Variants in CDKL5 observed in about 807,000 individuals in gnomAD.
The protein encoded by CDKL5 is cyclin-dependent kinase-like 5.
Under a neutral mutation model 61.7 loss-of-function variants are expected in CDKL5, and 8 were observed. That is an observed-to-expected ratio of 0.13 (90% CI 0.08 to 0.23). CDKL5 has a LOEUF of 0.23. Ranked by LOEUF, CDKL5 falls within the 10% of genes least tolerant of loss-of-function variation. The pLI, the probability that CDKL5 is intolerant of heterozygous loss-of-function variation, is 1.00. For synonymous variants in CDKL5, 275 were observed against 272.3 expected (o/e 1.01, Z -0.10); for missense variants, 440 against 734.5 (o/e 0.60, Z 4.63).
At chrX:18,500,696 C>CT (rs1459422745) in intron 1 of CDKL5, among the ~76,000 whole-genome samples, 1 of 110,532 alleles carries the variant, frequency 9.0e-6, no homozygotes. Flanking sequence ...GTTTTTATGC[C>CT]TTAAAAAAAA....
chrX:18,443,697 T>A (rs1268184618), intron 1 of CDKL5: 2 of 110,955 alleles, frequency 1.8e-5, no homozygotes, highest in Non-Finnish European at 3.8e-5. Context: ...CAATAGTCAT[T>A]TTTTCTGCTC....
In CDKL5 at chrX:18,634,755, A is replaced by ATTTGGGGC; in HGVS notation, c.*5998_*5999insTTTGGGGC. The ATTTGGGGC allele has an allele frequency of 2.1e-5, 16 of 753,322 alleles. No homozygotes were observed. Among genetic ancestry groups the ATTTGGGGC allele is most frequent in the Non-Finnish European group, 2.3e-5 (15 of 639,000 alleles). The allele number at this position is 753,322 out of a possible 1,213,427, so 62.1% of individuals were successfully genotyped here. On this transcript the variant is annotated 3_prime_UTR_variant, in exon 18 of 18. Transcript: ENST00000623535. ...TTAACAGAAACAATTAAACCAAACA[A>ATTTGGGGC]AATCATTGCCCCAAATTTCTATCTC...
chrX:18,644,564 T>C (rs1286782618), downstream of CDKL5: 1 of 1,211,487 alleles, frequency 8.3e-7, no homozygotes. Context: ...ATCACTTTGA[T>C]CTCCTTCAGA....
chrX:18,539,802 A>G (rs1923959244), intron 3 of CDKL5, among the ~76,000 whole-genome samples: 1 of 111,468 alleles, frequency 9.0e-6, no homozygotes, highest in South Asian at 3.7e-4. Context: ...TTAGTATATC[A>G]GTTTGTATTG....
chrX:18,446,603 C>T (rs1369169917), intron 1 of CDKL5, among the ~76,000 whole-genome samples: 1 of 111,625 alleles, frequency 9.0e-6, no homozygotes, highest in African/African-American at 3.3e-5. Context: ...GGACTGTAAT[C>T]AATATACAGT....
At chrX:18,474,702 T>C (rs1921238271) in intron 1 of CDKL5, among the ~76,000 whole-genome samples, 1 of 111,732 alleles carries the variant, frequency 8.9e-6, no homozygotes, top group Non-Finnish European at 1.9e-5. Context: ...ATTGTGAAAA[T>C]GGAATCCCCG....
intron 3 of CDKL5, among the ~76,000 whole-genome samples, chrX:18,558,107 G>T (rs1403666898): frequency 9.0e-6 from 1 of 111,007 alleles, no homozygotes; most frequent in Non-Finnish European, 1.9e-5. Flanking sequence ...CTCTGTTTGT[G>T]TTCCAAAGTA....
intron 15 of CDKL5, among the ~76,000 whole-genome samples, chrX:18,613,748 G>T (rs1926637209): frequency 9.0e-6 from 1 of 111,429 alleles, no homozygotes; most frequent in African/African-American, 3.3e-5. Context: ...AAACTTAAAT[G>T]GGCTCCGACT....
In CDKL5 at chrX:18,628,771, GGGGGAGGGGTGGACAGACAAGCCAGT is replaced by G. The variant is rs1265662266; in HGVS notation, c.*27_*52del. 3 of 1,106,225 alleles carry G rather than the reference GGGGGAGGGGTGGACAGACAAGCCAGT, an allele frequency of 2.7e-6. No individual in the cohort carries two copies. The highest frequency in any genetic ancestry group is 3.5e-6 in the Non-Finnish European group (3 of 847,995). 91.2% of individuals were successfully genotyped at this position (1,106,225 alleles called of 1,213,427 possible). On this transcript the variant is annotated 3_prime_UTR_variant, in exon 18 of 18. Transcript: ENST00000623535. ...ACAGCCTTGTAATTTGTGCTGGTAG[GGGGGAGGGGTGGACAGACAAGCCAGT>G]GGGGAGGGGTGGGAAAGGGTGGGCT...
chrX:18,611,826 A>T (rs1304266536), intron 14 of CDKL5, among the ~76,000 whole-genome samples: 1 of 112,113 alleles, frequency 8.9e-6, no homozygotes, highest in African/African-American at 3.2e-5. Flanking sequence ...TAGATGAAAC[A>T]TCTGAAGACA....
chrX:18,563,444 A>G (rs1602262964), intron 3 of CDKL5, among the ~76,000 whole-genome samples: 1 of 111,910 alleles, frequency 8.9e-6, no homozygotes, highest in African/African-American at 3.2e-5. Context: ...CCATTAATGT[A>G]CAAATAAGTT....
intron 2 of CDKL5, among the ~76,000 whole-genome samples, chrX:18,507,947 T>A (rs1188420767): frequency 1.8e-5 from 2 of 111,613 alleles, no homozygotes. Context: ...TTCCTAATAG[T>A]ACATAAAATA....
intron 3 of CDKL5, among the ~76,000 whole-genome samples, chrX:18,536,432 GTTTTTTTTTTTTTTTTTTTT>G (rs746308567): frequency 9.9e-5 from 4 of 40,543 alleles, no homozygotes; most frequent in East Asian, 1.1e-3. Flanking sequence ...TTCAATACAG[GTTTTTTTTTTTTTTTTTTTT>G]TTTTTTTTTT....
At chrX:18,585,402 CAAAA>C (rs897083034) in intron 8 of CDKL5, among the ~76,000 whole-genome samples, 2,510 of 110,431 alleles carry the variant, frequency 0.023, 74 homozygotes, top group African/African-American at 0.078. Flanking sequence ...CACACACACA[CAAAA>C]AAACCCCAAA....
At chrX:18,527,853 C>G (rs1220011768) in intron 3 of CDKL5, among the ~76,000 whole-genome samples, 4 of 111,795 alleles carry the variant, frequency 3.6e-5, no homozygotes, top group Admixed American at 2.9e-4. Context: ...ATAAACTTTT[C>G]TCTAAGTGCT....
chrX:18,555,830 T>G (rs769515105), intron 3 of CDKL5, among the ~76,000 whole-genome samples: 2 of 112,473 alleles, frequency 1.8e-5, no homozygotes, highest in Non-Finnish European at 3.8e-5. Context: ...AATAAACATT[T>G]GTTAGTTGAC....
At chrX:18,608,176 G>GT (rs1926426343) in intron 12 of CDKL5, among the ~76,000 whole-genome samples, 1 of 111,319 alleles carries the variant, frequency 9.0e-6, no homozygotes, top group South Asian at 3.8e-4. Context: ...AAAGATAGTG[G>GT]TATGTCTTTG....
chrX:18,653,345 CG>C, intron 21 of CDKL5: 1 of 1,170,188 alleles, frequency 8.5e-7, no homozygotes, highest in East Asian at 3.2e-5. Flanking sequence ...CCTTCTGCTC[CG>C]TGGGGGGCCC....
Position 18,548,136 on chromosome X carries a change from T to G in CDKL5, c.100-16341T>G, listed in dbSNP as rs767647230. On this transcript the variant is annotated intron_variant, in intron 3 of 17. Transcript: ENST00000623535. ...GGTGTTTGTAATGAGCTAGAAAGTTTTTTTTTTTTTTAAATAAGGGAAGGA... is the reference window on the plus strand; with the variant it reads ...GGTGTTTGTAATGAGCTAGAAAGTTGTTTTTTTTTTTAAATAAGGGAAGGA... Among the ~76,000 whole-genome samples, 450 of 109,572 alleles carry G rather than the reference T, an allele frequency of 4.1e-3. 2 individuals carry two copies. Among genetic ancestry groups the G allele is most frequent in the African/African-American group, 0.014 (437 of 30,145 alleles).
Sources: gnomAD v4.1 joint callset for allele counts (sites outside exome capture counted in the v4.1 genomes callset) on GRCh38, gnomAD v4.1.1 for gene constraint, MANE v1.5 for transcripts, NCBI Gene and HGNC (gene_info 2026-07-23, HGNC 2026-07-21) for gene names.